CAMTA1: variants seen among roughly 807,000 people sequenced by gnomAD.
CAMTA1 encodes calmodulin binding transcription activator 1, also known as calmodulin-binding transcription activator 1.
A neutral mutation model predicts 170.9 loss-of-function variants in CAMTA1; 27 were observed. The ratio of observed to expected loss-of-function variants is 0.16; its 90% CI spans 0.12 to 0.22. The LOEUF (loss-of-function observed/expected upper bound fraction) is 0.22. CAMTA1 is among the 10% of genes least tolerant of loss of function. The probability of loss-of-function intolerance (pLI) is 1.00; values close to 1 mark genes in which losing one functional copy is unlikely to be tolerated. For missense variants in CAMTA1, 1,619 were observed against 2,217.2 expected, an observed-to-expected ratio of 0.73 and a Z score of 5.42; for synonymous variants, 833 against 891.5, an observed-to-expected ratio of 0.93 and a Z score of 1.17.
At chr1:7,638,126 A>T (rs949963004) in intron 6 of CAMTA1, among the ~76,000 whole-genome samples, 3 of 152,162 alleles carry the variant, frequency 2.0e-5, no homozygotes, top group Non-Finnish European at 4.4e-5. Context: ...CCCTGACAAC[A>T]TTCAAAAAAG....
At position 7,230,442 on chromosome 1, in the gene CAMTA1, C is replaced by A. The variant is rs191212201; in HGVS notation, c.303-19049C>A. 5.1e-4 allele frequency among the ~76,000 whole-genome samples: 42 copies of A among 81,586 alleles called. 6 individuals are homozygous for A. Among genetic ancestry groups the A allele is most frequent in the South Asian group, 1.8e-3 (4 of 2,182 alleles). 53.5% of individuals were successfully genotyped at this position (81,586 alleles called of 152,430 possible). A position where few individuals can be genotyped will look rare whatever the true frequency, so the allele number is the denominator to read the frequency against. On this transcript the variant is annotated intron_variant, in intron 4 of 22. Transcript: ENST00000303635. ...TGCTGCTCTGGGCTGACCCCCCCCC[C>A]CCGCCCCGCAAAGCTCTGTGGAAAG...
Position 7,642,188 on chromosome 1 carries a change from A to T in CAMTA1, c.664+1635A>T, listed in dbSNP as rs1306249217. Among the ~76,000 whole-genome samples, 2 of 152,110 alleles carry T rather than the reference A, an allele frequency of 1.3e-5. No individual in the cohort carries two copies. The highest frequency in any genetic ancestry group is 2.9e-5 in the Non-Finnish European group (2 of 68,018). On this transcript the variant is annotated intron_variant, in intron 7 of 22. Coordinates refer to ENST00000303635, the MANE Select transcript of CAMTA1 (RefSeq NM_015215.4). This position sits in a 1 kb window ranked among gnomAD's most constrained non-coding sequence, Gnocchi z 6.3. ...GGGAGATGTCAGCTTCCCGCGCTTC[A>T]TCAGGAGGGGCCTCGTGAGCCTCTT...
At chr1:7,392,419 C>T (rs1270532225) in intron 5 of CAMTA1, among the ~76,000 whole-genome samples, 2 of 151,744 alleles carry the variant, frequency 1.3e-5, no homozygotes, top group African/African-American at 4.8e-5. Context: ...CCACACCCAG[C>T]TGATTTTGTA....
intron 3 of CAMTA1, among the ~76,000 whole-genome samples, chr1:6,876,085 A>G (rs1669740529): frequency 6.6e-6 from 1 of 152,250 alleles, no homozygotes. Flanking sequence ...TGATCACCAC[A>G]GAAGCCAGGT....
At chr1:7,314,429 T>C (rs1398391237) in intron 5 of CAMTA1, among the ~76,000 whole-genome samples, 2 of 152,226 alleles carry the variant, frequency 1.3e-5, no homozygotes, top group African/African-American at 4.8e-5. Context: ...AAATGTATCC[T>C]TGTGGGTGGA....
chr1:7,624,997 G>A (rs1189242562), intron 6 of CAMTA1, among the ~76,000 whole-genome samples: 1 of 152,238 alleles, frequency 6.6e-6, no homozygotes, highest in Non-Finnish European at 1.5e-5. Context: ...CAGGGCCAGT[G>A]GCAGAGCAGG....
At chr1:7,490,634 G>A (rs537395615) in intron 6 of CAMTA1, among the ~76,000 whole-genome samples, 3 of 146,728 alleles carry the variant, frequency 2.0e-5, no homozygotes, top group Non-Finnish European at 3.0e-5. Flanking sequence ...CCTGGGTGAC[G>A]AGAGCGAAAC....
intron 1 of CAMTA1, among the ~76,000 whole-genome samples, chr1:6,815,277 T>C (rs2148396245): frequency 6.6e-6 from 1 of 152,162 alleles, no homozygotes. Flanking sequence ...CTGTCATGGC[T>C]CACTGCAACC....
chr1:7,327,094 G>T (rs1263497234), intron 5 of CAMTA1, among the ~76,000 whole-genome samples: 1 of 152,130 alleles, frequency 6.6e-6, no homozygotes, highest in Non-Finnish European at 1.5e-5. Flanking sequence ...ATAGGCGGGG[G>T]GGAAAGTCTG....
At chr1:6,899,020 G>A (rs550707317) in intron 3 of CAMTA1, among the ~76,000 whole-genome samples, 2 of 152,268 alleles carry the variant, frequency 1.3e-5, no homozygotes, top group East Asian at 1.9e-4. Context: ...GGAAAACCAG[G>A]TAAGTCTCTA....
intron 4 of CAMTA1, among the ~76,000 whole-genome samples, chr1:7,232,358 T>TCCCAGTTGTCCTGTTTGC (rs1553280646): frequency 6.6e-6 from 1 of 152,188 alleles, no homozygotes; most frequent in Non-Finnish European, 1.5e-5. Flanking sequence ...TGCCTGTTCA[T>TCCCAGTTGTCCTGTTTGC]CCCAGTTGTC....
chr1:6,984,073 G>T (rs1415068803), intron 3 of CAMTA1, among the ~76,000 whole-genome samples: 11 of 151,770 alleles, frequency 7.2e-5, no homozygotes, highest in Non-Finnish European at 1.0e-4. Flanking sequence ...TGGGTGGATG[G>T]GTGGATAGAT....
chr1:7,667,594 A>G (rs576772041), intron 9 of CAMTA1, among the ~76,000 whole-genome samples: 1 of 152,154 alleles, frequency 6.6e-6, no homozygotes, highest in African/African-American at 2.4e-5. Flanking sequence ...GGCCTGTCAG[A>G]CAGGCCCTGG....
chr1:7,608,497 G>T (rs1247142079), intron 6 of CAMTA1, among the ~76,000 whole-genome samples: 1 of 152,204 alleles, frequency 6.6e-6, no homozygotes, highest in Non-Finnish European at 1.5e-5. Context: ...TGAGAAAGAA[G>T]CTGGGGCCCA....
rs1243422048 is a variant in CAMTA1, at chr1:7,064,483, T to C, written c.235-26821T>C. 1.3e-5 allele frequency among the ~76,000 whole-genome samples: 2 copies of C among 152,118 alleles called. No individual in the cohort carries two copies. The highest frequency in any genetic ancestry group is 2.9e-5 in the Non-Finnish European group (2 of 68,020). ...AGTAAATAGATAAAGCGAATTTCCCTGGTGGGAAGTGCTGCAGAGGAAGAA... is the reference window on the plus strand; with the variant it reads ...AGTAAATAGATAAAGCGAATTTCCCCGGTGGGAAGTGCTGCAGAGGAAGAA... On this transcript the variant is annotated intron_variant, in intron 3 of 22. Coordinates refer to ENST00000303635, the MANE Select transcript of CAMTA1 (RefSeq NM_015215.4). The surrounding 1 kb of genome is among the most constrained non-coding windows in gnomAD (Gnocchi z 5.4).
intron 3 of CAMTA1, among the ~76,000 whole-genome samples, chr1:7,021,383 T>C (rs545236789): frequency 1.1e-4 from 16 of 152,194 alleles, no homozygotes; most frequent in African/African-American, 3.6e-4. Context: ...AGATGTGCCC[T>C]CATCGCTCAG....
At chr1:7,720,393 T>C (rs1377148148) in intron 11 of CAMTA1, among the ~76,000 whole-genome samples, 1 of 152,164 alleles carries the variant, frequency 6.6e-6, no homozygotes, top group African/African-American at 2.4e-5. Flanking sequence ...TTGTTTGTTT[T>C]GTTTTTGAGG....
At chr1:7,734,025 G>A (rs1455867381) in intron 12 of CAMTA1, among the ~76,000 whole-genome samples, 1 of 152,080 alleles carries the variant, frequency 6.6e-6, no homozygotes, top group Non-Finnish European at 1.5e-5. Context: ...TTGGCTCACT[G>A]CAGCCTCCGC....
chr1:7,563,429 G>A (rs2094989037), intron 6 of CAMTA1, among the ~76,000 whole-genome samples: 1 of 152,220 alleles, frequency 6.6e-6, no homozygotes, highest in Non-Finnish European at 1.5e-5. Context: ...GCGAGGCTCG[G>A]TGGGACCTGC....
Sources: allele counts gnomAD v4.1 joint callset (sites outside exome capture counted in the v4.1 genomes callset), GRCh38; gene constraint gnomAD v4.1.1; non-coding constraint Gnocchi (gnomAD v3.1); transcripts MANE v1.5; gene names NCBI Gene and HGNC (gene_info 2026-07-23, HGNC 2026-07-21).